ZDHHC11B: variants seen among roughly 807,000 people sequenced by gnomAD.
The protein encoded by ZDHHC11B is zDHHC palmitoyltransferase 11B (putative).
Under a neutral mutation model 42.3 loss-of-function variants are expected in ZDHHC11B, and 17 were observed. That is an observed-to-expected ratio of 0.40 (90% CI 0.27 to 0.60). ZDHHC11B has a LOEUF of 0.60. Ranked by LOEUF, ZDHHC11B falls within the 20% of genes least tolerant of loss-of-function variation. The pLI is 0.41. For synonymous variants in ZDHHC11B, 123 were observed against 193.5 expected, an observed-to-expected ratio of 0.64 and a Z score of 3.02; for missense variants, 262 against 463.2, an observed-to-expected ratio of 0.57 and a Z score of 3.99.
chr5:723,437 C>G (rs1471011052), intron 12 of ZDHHC11B, among the ~76,000 whole-genome samples: 3 of 123,612 alleles, frequency 2.4e-5, no homozygotes, highest in Admixed American at 8.1e-5. Context: ...ATTATAGAAC[C>G]AGCAGCATCT....
rs1733786615 is a variant in ZDHHC11B at position 756,106 on chromosome 5, G to A, written c.261C>T (p.His87=). 1 of 1,448,924 alleles carries A rather than the reference G, an allele frequency of 6.9e-7. No individual in the cohort carries two copies. Among genetic ancestry groups the A allele is most frequent in the East Asian group, 2.4e-5 (1 of 41,248 alleles). The allele number at this position is 1,448,924 out of a possible 1,614,324, so 89.8% of individuals were successfully genotyped here. Residue 87 remains histidine (H), a synonymous_variant, in exon 5 of 14, where the codon CAC becomes CAT. Coordinates refer to ENST00000508859, the MANE Select transcript of ZDHHC11B (RefSeq NM_001351303.2). ...CCGGGTCGATGCAGGACGCGATCAG[G>A]TGGACGACGAGGTGGAACGAGAAGA... The part of the protein sequence containing the change: ...GGIFSFHLVV[H]LIASCIDPAD...
chr5:771,824 G>C (rs1216326126), intron 1 of ZDHHC11B, among the ~76,000 whole-genome samples: 1 of 146,360 alleles, frequency 6.8e-6, no homozygotes, highest in African/African-American at 2.5e-5. Flanking sequence ...ATCTCCTGTG[G>C]GGATGCGCCT....
At position 730,434 on chromosome 5, in the gene ZDHHC11B, C is replaced by A; in HGVS notation, c.1058G>T (p.Gly353Val). 6.3e-7 allele frequency: 1 copy of A among 1,578,046 alleles called. No homozygotes were observed. The highest frequency in any genetic ancestry group is 2.4e-5 in the East Asian group (1 of 42,378). The change falls in exon 12 of 14, where the codon GGG becomes GTG. Residue 353 changes from glycine (G) to valine (V), a missense_variant and splice_region_variant. Physicochemically the swap from Gly to Val is moderately radical, Grantham distance 109 (BLOSUM62 -3). Around this residue, in one of 5 missense-constraint regions of ZDHHC11B, gnomAD observed 75 missense variants for 70.1 expected, o/e 1.07. Coordinates refer to ENST00000508859, the MANE Select transcript of ZDHHC11B (RefSeq NM_001351303.2). ...ADDAPSTSTL[G>V]LQQETTEPMK... ...GTTCCCATTAAACTTACGAACTTAC[C>A]CAAGTGTAGATGTACTCGGGGCATC...
intron 1 of ZDHHC11B, among the ~76,000 whole-genome samples, chr5:775,586 T>C (rs1736406941): frequency 6.6e-6 from 1 of 151,938 alleles, no homozygotes; most frequent in African/African-American, 2.4e-5. Flanking sequence ...TGCTTCTGCC[T>C]GGCAGGAGCC....
intron 10 of ZDHHC11B, among the ~76,000 whole-genome samples, chr5:739,228 T>G (rs1255942871): frequency 6.6e-6 from 1 of 150,690 alleles, no homozygotes; most frequent in Non-Finnish European, 1.5e-5. Context: ...GTGAAACTTG[T>G]CTCTGCTAAC....
intron 12 of ZDHHC11B, among the ~76,000 whole-genome samples, chr5:720,762 G>A (rs1308687264): frequency 6.6e-6 from 1 of 151,448 alleles, no homozygotes; most frequent in African/African-American, 2.4e-5. Flanking sequence ...AATGACAATG[G>A]CAATATAAAG....
chr5:777,519 T>C (rs962447044), intron 1 of ZDHHC11B, among the ~76,000 whole-genome samples: 7 of 151,932 alleles, frequency 4.6e-5, no homozygotes, highest in South Asian at 2.1e-4. Flanking sequence ...AGAACAAACT[T>C]TCCACAGCGG....
At chr5:746,964 A>C (rs1297042580) in intron 8 of ZDHHC11B, among the ~76,000 whole-genome samples, 3 of 122,968 alleles carry the variant, frequency 2.4e-5, no homozygotes, top group African/African-American at 8.3e-5. Flanking sequence ...CCCTGACTCT[A>C]AGCATCTGAG....
intron 4 of ZDHHC11B, among the ~76,000 whole-genome samples, chr5:756,643 C>T (rs557934105): frequency 2.4e-4 from 36 of 151,778 alleles, no homozygotes; most frequent in Non-Finnish European, 3.2e-4. Flanking sequence ...ACAGGAGGTA[C>T]GCCCCAGGTG....
In ZDHHC11B at chr5:711,589, T is replaced by TGTGCTCCCATTTCCCAGTGCC. The variant is rs1353639186; in HGVS notation, c.*680_*700dup. On this transcript the variant is annotated 3_prime_UTR_variant, in exon 14 of 14. Coordinates refer to ENST00000508859, the MANE Select transcript of ZDHHC11B (RefSeq NM_001351303.2). ...GCACTGTGCTCCCATTTCCCAGTAC[T>TGTGCTCCCATTTCCCAGTGCC]GTGCTCCCATTTCCCAGTGCCGTGC... The TGTGCTCCCATTTCCCAGTGCC allele has an allele frequency of 9.1e-5, 14 of 154,506 alleles. No homozygotes were observed. Among genetic ancestry groups the TGTGCTCCCATTTCCCAGTGCC allele is most frequent in the South Asian group, 2.1e-4 (1 of 4,860 alleles). The allele number at this position is 154,506 out of a possible 1,614,324, so 9.6% of individuals were successfully genotyped here.
chr5:772,387 C>T (rs552596002), intron 1 of ZDHHC11B, among the ~76,000 whole-genome samples: 4 of 148,932 alleles, frequency 2.7e-5, no homozygotes, highest in African/African-American at 7.2e-5. Context: ...AGACCATCGC[C>T]GGATCTACTG....
intron 10 of ZDHHC11B, among the ~76,000 whole-genome samples, 179 bp downstream of exon 10, chr5:741,415 T>C: frequency 6.8e-6 from 1 of 147,000 alleles, no homozygotes; most frequent in Non-Finnish European, 1.5e-5. Context: ...CACATCGAGA[T>C]AGATAATTTG....
At chr5:763,278 A>C (rs1734852597) in intron 4 of ZDHHC11B, among the ~76,000 whole-genome samples, 1 of 150,972 alleles carries the variant, frequency 6.6e-6, no homozygotes, top group Admixed American at 6.6e-5. Context: ...CTGGGACGGG[A>C]GGATTGTTTG....
chr5:763,107 C>T (rs1159681954), intron 4 of ZDHHC11B, among the ~76,000 whole-genome samples: 5 of 151,972 alleles, frequency 3.3e-5, no homozygotes, highest in South Asian at 4.2e-4. Context: ...CGGTGGCTCA[C>T]GCCTATAATC....
At position 746,638 on chromosome 5, in the gene ZDHHC11B, G is replaced by C. The variant is rs192262976; in HGVS notation, c.785-1340C>G. On this transcript the variant is annotated intron_variant, in intron 8 of 13. Coordinates refer to ENST00000508859, the MANE Select transcript of ZDHHC11B (RefSeq NM_001351303.2). ...ACTGCACTTCCCTGCTCTGCCACCT[G>C]AGGCAAGGGCCAGCTTCTCTGCAGC... Among the ~76,000 whole-genome samples, 1,108 of 149,562 alleles carry C rather than the reference G, an allele frequency of 7.4e-3. 71 individuals carry two copies. Among genetic ancestry groups the C allele is most frequent in the African/African-American group, 0.025 (1,020 of 40,892 alleles).
chr5:714,658 G>C (rs1312646652), intron 13 of ZDHHC11B, among the ~76,000 whole-genome samples: 1 of 121,472 alleles, frequency 8.2e-6, no homozygotes, highest in African/African-American at 2.9e-5. Flanking sequence ...ACAAGCTGTG[G>C]TTGGCTGAGT....
chr5:743,134 T>C (rs1351647825), intron 9 of ZDHHC11B, among the ~76,000 whole-genome samples: 1 of 149,224 alleles, frequency 6.7e-6, no homozygotes, highest in Non-Finnish European at 1.5e-5. Flanking sequence ...TTCTCCCTAT[T>C]TAATGATTTT....
intron 12 of ZDHHC11B, among the ~76,000 whole-genome samples, chr5:724,297 C>T (rs1328613112): frequency 1.3e-5 from 2 of 149,790 alleles, no homozygotes; most frequent in Admixed American, 1.3e-4. Flanking sequence ...CCTTCACCTC[C>T]CAGGTTCAAG....
rs1746037621 is a variant in ZDHHC11B at position 753,306 on chromosome 5, G to T, written c.503+1692C>A. 1.5e-5 allele frequency among the ~76,000 whole-genome samples: 2 copies of T among 129,918 alleles called. 1 individual carries two copies. Among genetic ancestry groups the T allele is most frequent in the Non-Finnish European group, 3.5e-5 (2 of 57,908 alleles). The allele number at this position is 129,918 out of a possible 152,430, so 85.2% of individuals were successfully genotyped here. A position where few individuals can be genotyped will look rare whatever the true frequency, so the allele number is the denominator to read the frequency against. Reference sequence around the variant, plus strand: ...CAATGCCGTTGCTCTCTCCGCCTCTGGCGGATGAAGGGACAGAAGCGAGGT... The same window carrying T: ...CAATGCCGTTGCTCTCTCCGCCTCTTGCGGATGAAGGGACAGAAGCGAGGT... On this transcript the variant is annotated intron_variant, in intron 6 of 13. Coordinates refer to ENST00000508859, the MANE Select transcript of ZDHHC11B (RefSeq NM_001351303.2).
Sources: gnomAD v4.1 joint callset for allele counts (sites outside exome capture counted in the v4.1 genomes callset) on GRCh38, gnomAD v4.1.1 for gene constraint, gnomAD v4.1.1 regional missense constraint, MANE v1.5 for transcripts, NCBI Gene and HGNC (gene_info 2026-07-23, HGNC 2026-07-21) for gene names.